Variants in ATG10 observed in about 807,000 individuals in gnomAD.
ATG10 encodes the protein ubiquitin-like-conjugating enzyme ATG10.
ATG10 carries 30 observed loss-of-function variants against 32.1 expected under a neutral mutation model. That is an observed-to-expected ratio of 0.94 (90% CI 0.70 to 1.27). The LOEUF is 1.27. Among genes scored for constraint, ATG10 ranks in the 50% most tolerant of loss-of-function variants. The probability of loss-of-function intolerance (pLI) is 0.00; values close to 1 mark genes in which losing one functional copy is unlikely to be tolerated. For synonymous variants in ATG10, 87 were observed against 91.5 expected (o/e 0.95, Z 0.28); for missense variants, 233 against 262.3 (o/e 0.89, Z 0.77).
At chr5:82,034,555 C>G (rs1489519082) in intron 2 of ATG10, among the ~76,000 whole-genome samples, 1 of 152,150 alleles carries the variant, frequency 6.6e-6, no homozygotes, top group African/African-American at 2.4e-5. Flanking sequence ...CTTCCGGTGA[C>G]TTCCTATTTA....
In ATG10 at chr5:82,254,895, TGTGA is replaced by T. The variant is rs1252861247; in HGVS notation, c.*836_*839del. 1.1e-4 allele frequency: 12 copies of T among 105,656 alleles called. No homozygotes were observed. Among genetic ancestry groups the T allele is most frequent in the Non-Finnish European group, 1.9e-4 (10 of 52,348 alleles). 6.5% of individuals were successfully genotyped at this position (105,656 alleles called of 1,614,324 possible). ...CTCCAAAAGAGAGAGAGAGAGTGAG[TGTGA>T]GTGTGTGTGTGTGTGTGTGTGTATG... is the stretch of plus-strand genomic sequence containing the variant. On this transcript the variant is annotated 3_prime_UTR_variant, in exon 8 of 8. Coordinates refer to ENST00000282185, the MANE Select transcript of ATG10 (RefSeq NM_031482.5).
intron 5 of ATG10, among the ~76,000 whole-genome samples, chr5:82,225,758 G>T (rs555640027): frequency 6.6e-6 from 1 of 152,130 alleles, no homozygotes; most frequent in Non-Finnish European, 1.5e-5. Context: ...CTCTCTGGCG[G>T]TCTCTGGTGG....
chr5:81,987,635 A>T lies in ATG10; in HGVS notation c.65A>T (p.His22Leu). The change falls in exon 2 of 8, where the codon CAT becomes CTT. Residue 22 changes from histidine to leucine, a missense_variant. Transcript: ENST00000282185. ...FQRYCAEFIK[H>L]SQQIGDSWEW... is the part of the protein sequence containing the mutation. ...CGTTATTGTGCAGAATTCATTAAAC[A>T]TTCACAACAGATAGGTGATAGTTGG... is the stretch of plus-strand genomic sequence containing the variant. 6.2e-7 allele frequency: 1 copy of T among 1,613,154 alleles called. No homozygotes were observed. The highest frequency in any genetic ancestry group is 8.5e-7 in the Non-Finnish European group (1 of 1,179,686).
intron 3 of ATG10, among the ~76,000 whole-genome samples, chr5:82,138,983 C>G (rs1403843360): frequency 6.6e-6 from 1 of 150,732 alleles, no homozygotes; most frequent in African/African-American, 2.4e-5. Flanking sequence ...CTGCCAAATG[C>G]CTGCGATCGC....
intron 5 of ATG10, among the ~76,000 whole-genome samples, chr5:82,246,521 TA>T (rs59365825): frequency 0.43 from 61,077 of 141,224 alleles, 14,709 homozygotes; most frequent in East Asian, 0.9. Flanking sequence ...CTTTATCTCT[TA>T]AAAAAAAAAA....
intron 3 of ATG10, among the ~76,000 whole-genome samples, chr5:82,160,378 A>T (rs1743268586): frequency 6.6e-6 from 1 of 152,200 alleles, no homozygotes. Flanking sequence ...ATTCCTAAAT[A>T]GTATGGTATG....
intron 4 of ATG10, among the ~76,000 whole-genome samples, chr5:82,170,011 G>T (rs1380677747): frequency 6.6e-6 from 1 of 152,082 alleles, no homozygotes; most frequent in Non-Finnish European, 1.5e-5. Context: ...CTAAAGGAAA[G>T]GTGCTAAAGA....
chr5:82,107,539 A>G (rs544939166), intron 3 of ATG10, among the ~76,000 whole-genome samples: 1 of 152,172 alleles, frequency 6.6e-6, no homozygotes, highest in Admixed American at 6.6e-5. Flanking sequence ...TTTTAAAAAT[A>G]TTTTCTTTCA....
chr5:82,031,261 C>T (rs189457432), intron 2 of ATG10, among the ~76,000 whole-genome samples: 2 of 151,972 alleles, frequency 1.3e-5, no homozygotes, highest in Admixed American at 6.5e-5. Flanking sequence ...TTTAGATATT[C>T]GAAGGACTGT....
intron 2 of ATG10, among the ~76,000 whole-genome samples, chr5:81,995,583 C>A (rs2149677983): frequency 6.6e-6 from 1 of 152,200 alleles, no homozygotes; most frequent in East Asian, 1.9e-4. Flanking sequence ...CCCTATACTT[C>A]TTAAGTGTCA....
At chr5:82,060,010 T>C (rs1309414547) in intron 3 of ATG10, among the ~76,000 whole-genome samples, 1 of 152,168 alleles carries the variant, frequency 6.6e-6, no homozygotes. Flanking sequence ...AGTTTTTGCC[T>C]AACAAGTTGG....
intron 4 of ATG10, among the ~76,000 whole-genome samples, chr5:82,169,771 G>A (rs957825679): frequency 6.6e-6 from 1 of 152,056 alleles, no homozygotes; most frequent in Non-Finnish European, 1.5e-5. Flanking sequence ...TGAATTTGAA[G>A]AGCAAACAGT....
chr5:82,065,228 G>A (rs1326897845), intron 3 of ATG10, among the ~76,000 whole-genome samples: 1 of 152,144 alleles, frequency 6.6e-6, no homozygotes, highest in Non-Finnish European at 1.5e-5. Flanking sequence ...ACTCACGCCT[G>A]TAATCCCAGC....
intron 3 of ATG10, among the ~76,000 whole-genome samples, chr5:82,115,574 G>A (rs182624391): frequency 1.2e-4 from 18 of 152,184 alleles, no homozygotes; most frequent in African/African-American, 3.9e-4. Context: ...GCCATTAAAT[G>A]GCAGAGGTAG....
intron 3 of ATG10, among the ~76,000 whole-genome samples, chr5:82,078,183 G>A (rs1204431564): frequency 6.6e-6 from 1 of 152,106 alleles, no homozygotes; most frequent in Non-Finnish European, 1.5e-5. Context: ...TGGATGGTTA[G>A]TTCCCCTCTT....
At chr5:82,044,680 C>T in intron 2 of ATG10, among the ~76,000 whole-genome samples, 1 of 152,298 alleles carries the variant, frequency 6.6e-6, no homozygotes, top group East Asian at 1.9e-4. Context: ...ATTTGGACCA[C>T]AGCTAAGGCA....
At chr5:82,223,833 TGA>T (rs1256667496) in intron 5 of ATG10, among the ~76,000 whole-genome samples, 4 of 151,984 alleles carry the variant, frequency 2.6e-5, no homozygotes, top group Non-Finnish European at 4.4e-5. Context: ...GATTTGAGAA[TGA>T]GAGAGAGAGG....
intron 5 of ATG10, among the ~76,000 whole-genome samples, chr5:82,212,433 C>T (rs1030490824): frequency 1.3e-5 from 2 of 152,182 alleles, no homozygotes; most frequent in Non-Finnish European, 2.9e-5. Flanking sequence ...CCTTTATTAT[C>T]AACTATCTTG....
At chr5:81,972,757 C>CT (rs1030612713) in intron 1 of ATG10, among the ~76,000 whole-genome samples, 19 of 149,240 alleles carry the variant, frequency 1.3e-4, no homozygotes, top group African/African-American at 3.2e-4. Context: ...ACAGGTCTTT[C>CT]TTTTTTTTTT....
Sources: allele counts gnomAD v4.1 joint callset (sites outside exome capture counted in the v4.1 genomes callset), GRCh38; gene constraint gnomAD v4.1.1; transcripts MANE v1.5; gene names NCBI Gene and HGNC (gene_info 2026-07-23, HGNC 2026-07-21).